DOK6: variants seen among roughly 807,000 people sequenced by gnomAD.
DOK6 encodes the protein docking protein 6, also known as downstream of tyrosine kinase 6.
In DOK6, 22 loss-of-function variants were observed where a neutral mutation model predicts 44.0. The observed-to-expected ratio is 0.50, with a 90% CI of 0.36 to 0.71. The LOEUF (loss-of-function observed/expected upper bound fraction) is 0.71. Ranked by LOEUF, DOK6 falls within the 30% of genes least tolerant of loss-of-function variation. DOK6 has a pLI of 0.00. For missense variants in DOK6, 340 were observed against 416.4 expected (o/e 0.82, Z 1.60); for synonymous variants, 166 against 145.5 (o/e 1.14, Z -1.01).
At chr18:69,568,609 C>A (rs1253968564) in intron 2 of DOK6, among the ~76,000 whole-genome samples, 1 of 152,112 alleles carries the variant, frequency 6.6e-6, no homozygotes, top group Non-Finnish European at 1.5e-5. Flanking sequence ...AGGGCATGAA[C>A]CAGTGCTGGG....
intron 3 of DOK6, among the ~76,000 whole-genome samples, chr18:69,624,849 G>A (rs974255821): frequency 1.3e-5 from 2 of 151,904 alleles, no homozygotes; most frequent in Non-Finnish European, 2.9e-5. Flanking sequence ...TTACGCTGCA[G>A]GAGTTACACC....
chr18:69,443,700 G>T (rs770404119), intron 1 of DOK6, among the ~76,000 whole-genome samples: 1 of 152,050 alleles, frequency 6.6e-6, no homozygotes, highest in East Asian at 1.9e-4. Context: ...TCTATCCCTT[G>T]TACTAAATGC....
At chr18:69,417,760 G>T (rs79761799) in intron 1 of DOK6, among the ~76,000 whole-genome samples, 8,151 of 151,938 alleles carry the variant, frequency 0.054, 253 homozygotes, top group Middle Eastern at 0.12. Flanking sequence ...TTCTAATTGG[G>T]GTGAGATAAT....
intron 2 of DOK6, among the ~76,000 whole-genome samples, chr18:69,565,360 T>A (rs923377027): frequency 2.6e-5 from 4 of 152,076 alleles, no homozygotes; most frequent in Non-Finnish European, 4.4e-5. Context: ...ATTTCTTTTT[T>A]AAAAATAGAT....
chr18:69,664,675 C>A (rs1985612314), intron 3 of DOK6, among the ~76,000 whole-genome samples: 1 of 152,114 alleles, frequency 6.6e-6, no homozygotes, highest in South Asian at 2.1e-4. Flanking sequence ...AGACTGTGTG[C>A]ATTTAAAGGG....
At chr18:69,550,777 C>CTTTTTTTTTT (rs10538639) in intron 1 of DOK6, among the ~76,000 whole-genome samples, 2 of 121,434 alleles carry the variant, frequency 1.6e-5, no homozygotes, top group Non-Finnish European at 3.4e-5. Context: ...TTGTTTCTTT[C>CTTTTTTTTTT]TTTTTTTTTT....
Position 69,641,629 on chromosome 18 carries a change from C to T in DOK6, c.290-36105C>T, listed in dbSNP as rs149431249. On this transcript the variant is annotated intron_variant, in intron 3 of 7. Coordinates refer to ENST00000382713, the MANE Select transcript of DOK6 (RefSeq NM_152721.6). Reference sequence around the variant, plus strand: ...TGACTTATAAGCTAGATATCAGCTGCCCATACTAATTGCATTGCTTGAGAA... The same window carrying T: ...TGACTTATAAGCTAGATATCAGCTGTCCATACTAATTGCATTGCTTGAGAA... 7.2e-4 allele frequency among the ~76,000 whole-genome samples: 110 copies of T among 152,296 alleles called. No homozygotes were observed. The Middle Eastern group carries it at 0.014, about 19-fold the overall frequency.
At chr18:69,830,255 A>AT (rs1207743504) in intron 7 of DOK6, among the ~76,000 whole-genome samples, 1 of 152,156 alleles carries the variant, frequency 6.6e-6, no homozygotes, top group Non-Finnish European at 1.5e-5. Flanking sequence ...ATTCATTTTG[A>AT]TTTTTATAGC....
intron 1 of DOK6, among the ~76,000 whole-genome samples, chr18:69,485,447 T>C (rs1446606549): frequency 1.3e-5 from 2 of 152,126 alleles, no homozygotes; most frequent in African/African-American, 4.8e-5. Context: ...CCTCATTCAG[T>C]TGGCCATTTC....
chr18:69,741,806 C>A (rs11151531), intron 6 of DOK6, among the ~76,000 whole-genome samples: 2,994 of 152,212 alleles, frequency 0.02, 48 homozygotes, highest in Non-Finnish European at 0.03. Flanking sequence ...ACAGAAAACT[C>A]TTATACAAAA....
chr18:69,588,993 T>C (rs1457621805), intron 2 of DOK6, among the ~76,000 whole-genome samples: 1 of 152,022 alleles, frequency 6.6e-6, no homozygotes, highest in Admixed American at 6.6e-5. Flanking sequence ...ATGAATTAAA[T>C]TGATTTCTTT....
chr18:69,511,476 A>G (rs768502283), intron 1 of DOK6, among the ~76,000 whole-genome samples: 4 of 152,220 alleles, frequency 2.6e-5, no homozygotes, highest in Non-Finnish European at 5.9e-5. Context: ...TTCAAAATCT[A>G]TAAAACTTTA....
intron 5 of DOK6, among the ~76,000 whole-genome samples, chr18:69,708,783 C>CAAAAAAAAAAAAA (rs376287840): frequency 1.3e-5 from 1 of 79,340 alleles, no homozygotes; most frequent in Non-Finnish European, 2.4e-5. Context: ...AAATCCGTCT[C>CAAAAAAAAAAAAA]AAAAAAAAAA....
Position 69,844,614 on chromosome 18 carries a change from T to G in DOK6, c.*3231T>G, listed in dbSNP as rs113899222. On this transcript the variant is annotated 3_prime_UTR_variant, in exon 8 of 8. Coordinates refer to ENST00000382713, the MANE Select transcript of DOK6 (RefSeq NM_152721.6). Reference sequence around the variant, plus strand: ...GAAAACACATCTTTCACTTACTTATTGAACAAACAATAAGCACTCAGAACT... The same window carrying G: ...GAAAACACATCTTTCACTTACTTATGGAACAAACAATAAGCACTCAGAACT... The G allele has an allele frequency of 6.6e-6, 1 of 152,254 alleles. No individual in the cohort carries two copies. Among genetic ancestry groups the G allele is most frequent in the African/African-American group, 2.4e-5 (1 of 41,532 alleles). The allele number at this position is 152,254 out of a possible 1,614,324, so 9.4% of individuals were successfully genotyped here. A position where few individuals can be genotyped will look rare whatever the true frequency, so the allele number is the denominator to read the frequency against.
intron 3 of DOK6, among the ~76,000 whole-genome samples, chr18:69,634,354 C>T (rs1043464462): frequency 6.6e-6 from 1 of 152,104 alleles, no homozygotes; most frequent in African/African-American, 2.4e-5. Context: ...TAAAGTAACC[C>T]TACTCCCCAG....
rs372612827 is a variant in DOK6, at chr18:69,611,913, A to T, written c.289+12415A>T. On this transcript the variant is annotated intron_variant, in intron 3 of 7. Coordinates refer to ENST00000382713, the MANE Select transcript of DOK6 (RefSeq NM_152721.6). ...TGCAGCATTGATTGTGGTGGTGCGT[A>T]CACAAACCTCCACAAGTGATTAATT... 1.6e-4 allele frequency among the ~76,000 whole-genome samples: 24 copies of T among 150,830 alleles called. No individual in the cohort carries two copies. The East Asian group carries it at 3.1e-3, about 20-fold the overall frequency.
At chr18:69,714,181 T>C (rs1306245484) in intron 5 of DOK6, among the ~76,000 whole-genome samples, 1 of 152,190 alleles carries the variant, frequency 6.6e-6, no homozygotes, top group African/African-American at 2.4e-5. Flanking sequence ...GGATTACCTA[T>C]GGTAAACAGA....
intron 7 of DOK6, among the ~76,000 whole-genome samples, chr18:69,809,410 C>T (rs570852451): frequency 1.3e-5 from 2 of 151,526 alleles, no homozygotes; most frequent in African/African-American, 2.4e-5. Context: ...GGATGCCCCA[C>T]TTCTCTGTAA....
chr18:69,781,940 T>C (rs1332090165), intron 7 of DOK6, among the ~76,000 whole-genome samples: 1 of 152,118 alleles, frequency 6.6e-6, no homozygotes, highest in Non-Finnish European at 1.5e-5. Flanking sequence ...AGAAAAATAA[T>C]TACTTCTGGA....
Sources: gnomAD v4.1 joint callset for allele counts (sites outside exome capture counted in the v4.1 genomes callset) on GRCh38, gnomAD v4.1.1 for gene constraint, MANE v1.5 for transcripts, NCBI Gene and HGNC (gene_info 2026-07-23, HGNC 2026-07-21) for gene names.